DCUN1D5: variants seen among roughly 807,000 people sequenced by gnomAD.
The protein encoded by DCUN1D5 is DCN1-like protein 5.
Under a neutral mutation model 38.3 loss-of-function variants are expected in DCUN1D5, and 10 were observed. That is an observed-to-expected ratio of 0.26 (90% CI 0.16 to 0.44). The LOEUF (loss-of-function observed/expected upper bound fraction) is 0.44. Among genes scored for constraint, DCUN1D5 ranks in the 20% least tolerant of loss-of-function variants. DCUN1D5 has a pLI of 1.00. For missense variants in DCUN1D5, 148 were observed against 275.3 expected, an observed-to-expected ratio of 0.54 and a Z score of 3.27; for synonymous variants, 93 against 90.9, an observed-to-expected ratio of 1.02 and a Z score of -0.13.
intron 4 of DCUN1D5, among the ~76,000 whole-genome samples, chr11:103,069,911 C>G (rs1202934544): frequency 6.6e-6 from 1 of 151,946 alleles, no homozygotes; most frequent in African/African-American, 2.4e-5. Flanking sequence ...AATATACTAC[C>G]CAAAATATCC....
In DCUN1D5 at chr11:103,059,260, G is replaced by A. The variant is rs1428405443; in HGVS notation, c.*3099C>T. On this transcript the variant is annotated 3_prime_UTR_variant, in exon 8 of 8. Coordinates refer to ENST00000260247, the MANE Select transcript of DCUN1D5 (RefSeq NM_032299.4). ...CAAAGTGAAATGTTTCATTTTATAC[G>A]TATGTATCATGTATTCTGAATCTGT... Among the ~76,000 whole-genome samples the A allele has an allele frequency of 1.3e-5, 2 of 151,984 alleles. No homozygotes were observed. The highest frequency in any genetic ancestry group is 1.9e-4 in the East Asian group (1 of 5,196).
chr11:103,051,501 T>TCCCCCCCCCCCCCCCC lies in DCUN1D5; in HGVS notation c.*10857_*10858insGGGGGGGGGGGGGGGG, dbSNP rs71066136. 2 of 111,420 alleles carry TCCCCCCCCCCCCCCCC rather than the reference T, an allele frequency of 1.8e-5. No homozygotes were observed. Among genetic ancestry groups the TCCCCCCCCCCCCCCCC allele is most frequent in the Non-Finnish European group, 3.5e-5 (2 of 56,744 alleles). 6.9% of individuals were successfully genotyped at this position (111,420 alleles called of 1,614,324 possible). On this transcript the variant is annotated 3_prime_UTR_variant, in exon 8 of 8. Transcript: ENST00000260247. ...GATTTGGTGGCTTCACATATTTACT[T>TCCCCCCCCCCCCCCCC]CCCCCCCCCCCCCGCCACCCCTGTG...
At position 103,087,968 on chromosome 11, in the gene DCUN1D5, GGTCA is replaced by G. The variant is rs1254716227; in HGVS notation, c.178+1255_178+1258del. Among the ~76,000 whole-genome samples the G allele has an allele frequency of 6.6e-6, 1 of 152,088 alleles. No individual in the cohort carries two copies. The highest frequency in any genetic ancestry group is 1.5e-5 in the Non-Finnish European group (1 of 68,028). ...ATAATGGGTCAACATTTTAAATGGA[GGTCA>G]GTAAGAAATGAATTCCCTTCATTTA... On this transcript the variant is annotated intron_variant, in intron 2 of 7. Coordinates refer to ENST00000260247, the MANE Select transcript of DCUN1D5 (RefSeq NM_032299.4). The surrounding 1 kb of genome is among the most constrained non-coding windows in gnomAD (Gnocchi z 4.1).
chr11:103,084,206 G>A (rs1378310340), intron 2 of DCUN1D5, among the ~76,000 whole-genome samples: 1 of 152,106 alleles, frequency 6.6e-6, no homozygotes, highest in East Asian at 1.9e-4. Flanking sequence ...ACCACTATGG[G>A]ATTTTGAAAA....
chr11:103,088,290 G>A (rs1862763624), intron 2 of DCUN1D5, among the ~76,000 whole-genome samples: 1 of 151,130 alleles, frequency 6.6e-6, no homozygotes, highest in South Asian at 2.1e-4. Flanking sequence ...GAGAATGATA[G>A]TGATTAAAAG....
At position 103,066,752 on chromosome 11, in the gene DCUN1D5, AAAAAG is replaced by A. The variant is rs1322754110; in HGVS notation, c.342-190_342-186del. Among the ~76,000 whole-genome samples, 3 of 152,144 alleles carry A rather than the reference AAAAAG, an allele frequency of 2.0e-5. No homozygotes were observed. The highest frequency in any genetic ancestry group is 4.4e-5 in the Non-Finnish European group (3 of 68,014). ...TGCCCTGCATCTACCAATGCAATAA[AAAAAG>A]AAAAAAGGGGAAAAAAGAAAACCTG... On this transcript the variant is annotated intron_variant, in intron 4 of 7. Coordinates refer to ENST00000260247, the MANE Select transcript of DCUN1D5 (RefSeq NM_032299.4). The surrounding 1 kb of genome is among the most constrained non-coding windows in gnomAD (Gnocchi z 4.7).
At position 103,054,853 on chromosome 11, in the gene DCUN1D5, T is replaced by G. The variant is rs1244010363; in HGVS notation, c.*7506A>C. On this transcript the variant is annotated 3_prime_UTR_variant, in exon 8 of 8. Transcript: ENST00000260247. ...ATGTACTAAAATCAATTAGCCTTAT[T>G]TTATGCTTTCCTAGCACTAGAAAAA... 1 of 152,046 alleles carries G rather than the reference T, an allele frequency of 6.6e-6. No homozygotes were observed. Among genetic ancestry groups the G allele is most frequent in the Non-Finnish European group, 1.5e-5 (1 of 67,982 alleles). The allele number at this position is 152,046 out of a possible 1,614,324, so 9.4% of individuals were successfully genotyped here.
intron 4 of DCUN1D5, among the ~76,000 whole-genome samples, chr11:103,081,815 G>T (rs1862571384): frequency 6.6e-6 from 1 of 151,900 alleles, no homozygotes; most frequent in Non-Finnish European, 1.5e-5. Flanking sequence ...AGTTAAAAAA[G>T]AGAATTACAA....
chr11:103,080,578 A>T (rs1373800660), intron 4 of DCUN1D5, among the ~76,000 whole-genome samples: 2 of 152,234 alleles, frequency 1.3e-5, no homozygotes, highest in Non-Finnish European at 2.9e-5. Flanking sequence ...TCAAGGCTCT[A>T]CAGTATATTA....
chr11:103,089,171 G>A, intron 2 of DCUN1D5, 56 bp downstream of exon 2: 1 of 1,532,128 alleles, frequency 6.5e-7, no homozygotes, highest in Non-Finnish European at 9.0e-7. Context: ...AAATGAATAA[G>A]GCAAATAAAC....
In DCUN1D5 at chr11:103,060,170, G is replaced by A. The variant is rs1331652205; in HGVS notation, c.*2189C>T. 6.6e-6 allele frequency among the ~76,000 whole-genome samples: 1 copy of A among 152,168 alleles called. No homozygotes were observed. Among genetic ancestry groups the A allele is most frequent in the African/African-American group, 2.4e-5 (1 of 41,452 alleles). On this transcript the variant is annotated 3_prime_UTR_variant, in exon 8 of 8. Coordinates refer to ENST00000260247, the MANE Select transcript of DCUN1D5 (RefSeq NM_032299.4). ...AAGTAGGCAAATGTTATAACTTTAA[G>A]AAGGTAAGAGAAATAGATGGAGCAA...
intron 4 of DCUN1D5, among the ~76,000 whole-genome samples, chr11:103,072,263 T>TTACAC (rs779026486): frequency 1.3e-5 from 2 of 150,406 alleles, no homozygotes; most frequent in Non-Finnish European, 3.0e-5. Flanking sequence ...AGGAATGATT[T>TTACAC]TACACTGTTG....
chr11:103,074,877 T>C (rs1321134601), intron 4 of DCUN1D5, among the ~76,000 whole-genome samples: 3 of 152,264 alleles, frequency 2.0e-5, no homozygotes, highest in Admixed American at 2.0e-4. Flanking sequence ...GATTTCTCAA[T>C]GTTTAGTGAT....
At chr11:103,074,553 G>T (rs1342485966) in intron 4 of DCUN1D5, among the ~76,000 whole-genome samples, 1 of 152,106 alleles carries the variant, frequency 6.6e-6, no homozygotes, top group Non-Finnish European at 1.5e-5. Flanking sequence ...CTATGGGCGT[G>T]CACCACCACA....
At position 103,066,417 on chromosome 11, in the gene DCUN1D5, T is replaced by C; in HGVS notation, c.450+42A>G. ...AGTTTTCCTAAGTGTGGTCTCAAGA[T>C]GAAAAGCTATTAAAACAACAAAACA... On this transcript the variant is annotated intron_variant, in intron 5 of 7. Coordinates refer to ENST00000260247, the MANE Select transcript of DCUN1D5 (RefSeq NM_032299.4). The surrounding 1 kb of genome is among the most constrained non-coding windows in gnomAD (Gnocchi z 4.7). 2 of 1,594,326 alleles carry C rather than the reference T, an allele frequency of 1.3e-6. No homozygotes were observed. Among genetic ancestry groups the C allele is most frequent in the South Asian group, 2.2e-5 (2 of 88,932 alleles).
Position 103,050,732 on chromosome 11 carries a change from T to C in DCUN1D5, c.*11627A>G, listed in dbSNP as rs1861705703. On this transcript the variant is annotated 3_prime_UTR_variant, in exon 8 of 8. Coordinates refer to ENST00000260247, the MANE Select transcript of DCUN1D5 (RefSeq NM_032299.4). ...TATTTATCTATTCATTTTCATTTAT[T>C]CCATTTATTGAGTGCTTTTCTATAC... The C allele has an allele frequency of 1.3e-5, 2 of 152,232 alleles. No homozygotes were observed. The highest frequency in any genetic ancestry group is 4.8e-5 in the African/African-American group (2 of 41,454). 9.4% of individuals were successfully genotyped at this position (152,232 alleles called of 1,614,324 possible). A position where few individuals can be genotyped will look rare whatever the true frequency, so the allele number is the denominator to read the frequency against.
At chr11:103,088,340 A>C (rs1208816476) in intron 2 of DCUN1D5, among the ~76,000 whole-genome samples, 1 of 152,222 alleles carries the variant, frequency 6.6e-6, no homozygotes, top group Non-Finnish European at 1.5e-5. Flanking sequence ...AAAAAGGAAA[A>C]GGAAAAGAAA....
chr11:103,072,761 G>T (rs1862309446), intron 4 of DCUN1D5, among the ~76,000 whole-genome samples: 2 of 138,150 alleles, frequency 1.4e-5, no homozygotes, highest in African/African-American at 5.3e-5. Flanking sequence ...GGCCTGTCGG[G>T]GGGTGGGGGG....
chr11:103,072,355 T>A lies in DCUN1D5; in HGVS notation c.342-5788A>T, dbSNP rs187639080. ...ATCTAGAACTAGATCTAGATCTAGATCTAGATCTAGAACTAGAACTAGAAA... is the reference window on the plus strand; with the variant it reads ...ATCTAGAACTAGATCTAGATCTAGAACTAGATCTAGAACTAGAACTAGAAA... On this transcript the variant is annotated intron_variant, in intron 4 of 7. Coordinates refer to ENST00000260247, the MANE Select transcript of DCUN1D5 (RefSeq NM_032299.4). Among the ~76,000 whole-genome samples the A allele has an allele frequency of 3.6e-4, 54 of 151,262 alleles. No individual in the cohort carries two copies. The East Asian group carries it at 8.4e-3, about 24-fold the overall frequency.
Sources: gnomAD v4.1 joint callset for allele counts (sites outside exome capture counted in the v4.1 genomes callset) on GRCh38, gnomAD v4.1.1 for gene constraint, Gnocchi (gnomAD v3.1) non-coding constraint, MANE v1.5 for transcripts, NCBI Gene and HGNC (gene_info 2026-07-23, HGNC 2026-07-21) for gene names.